EVL: variants seen among roughly 807,000 people sequenced by gnomAD.
EVL encodes the protein Enah/Vasp-like.
A neutral mutation model predicts 59.6 loss-of-function variants in EVL; 21 were observed. The observed-to-expected ratio is 0.35, with a 90% CI of 0.25 to 0.51. The LOEUF is 0.51. Among genes scored for constraint, EVL ranks in the 20% least tolerant of loss-of-function variants. The pLI, the probability that EVL is intolerant of heterozygous loss-of-function variation, is 0.97. For synonymous variants in EVL, 198 were observed against 203.5 expected (o/e 0.97, Z 0.23); for missense variants, 462 against 546.6 (o/e 0.85, Z 1.54).
intron 3 of EVL, among the ~76,000 whole-genome samples, chr14:100,110,412 T>C (rs71422795): frequency 0.031 from 4,643 of 151,488 alleles, 107 homozygotes; most frequent in Non-Finnish European, 0.048. Flanking sequence ...TATCAACTCC[T>C]GTGTGGTGCC....
intron 1 of EVL, among the ~76,000 whole-genome samples, chr14:100,029,772 T>C (rs2061280544): frequency 6.6e-6 from 1 of 152,152 alleles, no homozygotes; most frequent in Non-Finnish European, 1.5e-5. Flanking sequence ...GACAGTGTGC[T>C]CTTAGCCATG....
chr14:100,067,010 T>C (rs2061943490), intron 1 of EVL, among the ~76,000 whole-genome samples: 2 of 152,206 alleles, frequency 1.3e-5, no homozygotes, highest in Admixed American at 1.3e-4. Flanking sequence ...AGCTCTTGAG[T>C]GCGCAGATCA....
chr14:100,134,965 G>T (rs972556513), intron 8 of EVL: 4 of 152,158 alleles, frequency 2.6e-5, no homozygotes, highest in African/African-American at 9.7e-5. Flanking sequence ...AGCAGGGAGG[G>T]TTTTAAAAAA....
At chr14:100,121,523 C>T (rs940585747) in intron 3 of EVL, among the ~76,000 whole-genome samples, 1 of 152,224 alleles carries the variant, frequency 6.6e-6, no homozygotes, top group East Asian at 1.9e-4. Context: ...GCAAGCCTTA[C>T]GTAATCAGTG....
intron 3 of EVL, among the ~76,000 whole-genome samples, chr14:100,117,712 A>G (rs906691407): frequency 2.6e-5 from 4 of 152,174 alleles, no homozygotes; most frequent in Non-Finnish European, 4.4e-5. Context: ...TACACACTCA[A>G]TAAACTTGAG....
chr14:100,107,386 G>A, intron 3 of EVL: 1 of 398,242 alleles, frequency 2.5e-6, no homozygotes, highest in Non-Finnish European at 4.4e-6. Context: ...TAGGGCCAGT[G>A]AGTGGGAGCC....
intron 3 of EVL, among the ~76,000 whole-genome samples, chr14:100,111,706 A>G (rs755597317): frequency 9.2e-5 from 14 of 152,162 alleles, no homozygotes; most frequent in Non-Finnish European, 1.0e-4. Context: ...CCCTTCCTGG[A>G]TGCTCTTGTG....
intron 3 of EVL, among the ~76,000 whole-genome samples, chr14:100,104,785 C>A (rs1448240549): frequency 2.6e-5 from 4 of 151,750 alleles, no homozygotes; most frequent in Non-Finnish European, 4.4e-5. Flanking sequence ...GAGAAAGAAA[C>A]ATGGCACTGT....
chr14:100,129,376 C>T (rs1888287658), intron 6 of EVL, among the ~76,000 whole-genome samples, 187 bp from the exon 7 acceptor site: 1 of 152,144 alleles, frequency 6.6e-6, no homozygotes, highest in Admixed American at 6.5e-5. Flanking sequence ...GTCCTTGTCC[C>T]TCTCTCGATT....
rs369975660 is a variant in EVL, at chr14:100,138,585, G to GAGAGC, written c.1094+791_1094+795dup. The GAGAGC allele has an allele frequency of 4.4e-4, 68 of 152,814 alleles. 2 individuals carry two copies. Among genetic ancestry groups the GAGAGC allele is most frequent in the African/African-American group, 1.6e-3 (66 of 41,584 alleles). 9.5% of individuals were successfully genotyped at this position (152,814 alleles called of 1,614,324 possible). A position where few individuals can be genotyped will look rare whatever the true frequency, so the allele number is the denominator to read the frequency against. On this transcript the variant is annotated intron_variant, in intron 11 of 13. Transcript: ENST00000392920. ...GGCCTTGCAGAGCTGAACAGGTGGT[G>GAGAGC]AGAGCAGAGCAGTGCAGGTGGACAG...
At chr14:99,992,671 T>A (rs1317864259) in intron 1 of EVL, among the ~76,000 whole-genome samples, 1 of 152,236 alleles carries the variant, frequency 6.6e-6, no homozygotes, top group Non-Finnish European at 1.5e-5. Flanking sequence ...TAACACTGTT[T>A]GTTGAAAAGT....
intron 2 of EVL, among the ~76,000 whole-genome samples, chr14:100,086,218 C>T (rs1373606587): frequency 6.6e-6 from 1 of 152,256 alleles, no homozygotes; most frequent in Non-Finnish European, 1.5e-5. Context: ...GTATAAATGT[C>T]TTTCTAGAAA....
At chr14:100,072,893 G>A (rs1432777266) in intron 1 of EVL, among the ~76,000 whole-genome samples, 3 of 152,242 alleles carry the variant, frequency 2.0e-5, no homozygotes, top group African/African-American at 7.2e-5. Context: ...CTTACTGCAC[G>A]GCGGAGCGTC....
At chr14:100,016,629 T>C (rs1379798857) in intron 1 of EVL, among the ~76,000 whole-genome samples, 1 of 152,210 alleles carries the variant, frequency 6.6e-6, no homozygotes, top group Non-Finnish European at 1.5e-5. Context: ...CATTATGTGG[T>C]CACAGAAGTG....
rs115541460 is a variant in EVL, at chr14:100,032,158, C to T, written c.6-52529C>T. 7.1e-3 allele frequency among the ~76,000 whole-genome samples: 1,082 copies of T among 152,282 alleles called. 10 individuals carry two copies. The highest frequency in any genetic ancestry group is 0.025 in the African/African-American group (1,048 of 41,560). ...AACATTCTGTGATTTAAGAAGTGCA[C>T]TCAGTGATGAAATTCCTTTTCCTGG... On this transcript the variant is annotated intron_variant, in intron 1 of 13. Transcript: ENST00000402714.
At chr14:100,085,973 A>G (rs866933064) in intron 2 of EVL, among the ~76,000 whole-genome samples, 1 of 152,248 alleles carries the variant, frequency 6.6e-6, no homozygotes, top group Middle Eastern at 3.4e-3. Context: ...TAAAAAATAA[A>G]AAAAAATTAG....
intron 1 of EVL, among the ~76,000 whole-genome samples, chr14:100,028,297 G>A (rs1220580796): frequency 6.6e-6 from 1 of 151,984 alleles, no homozygotes; most frequent in Non-Finnish European, 1.5e-5. Context: ...GTGAGATGCT[G>A]TTGTGGTTTT....
intron 1 of EVL, chr14:99,974,537 C>A: frequency 6.5e-6 from 1 of 153,266 alleles, no homozygotes; most frequent in South Asian, 1.9e-4. Context: ...GTGTGGCAGT[C>A]CTTAATGCCA....
intron 2 of EVL, among the ~76,000 whole-genome samples, chr14:100,086,807 A>G (rs1273513160): frequency 2.6e-5 from 4 of 152,236 alleles, no homozygotes; most frequent in Non-Finnish European, 5.9e-5. Context: ...TTGGAATCAC[A>G]TGTTCAGGAG....
Sources: allele counts gnomAD v4.1 joint callset (sites outside exome capture counted in the v4.1 genomes callset), GRCh38; gene constraint gnomAD v4.1.1; transcripts MANE v1.5; gene names NCBI Gene and HGNC (gene_info 2026-07-23, HGNC 2026-07-21).